The following TTC17 variants were observed in gnomAD, a reference collection of about 807,000 sequenced individuals.
TTC17 encodes tetratricopeptide repeat domain 17.
A neutral mutation model predicts 143.8 loss-of-function variants in TTC17; 58 were observed. That is an observed-to-expected ratio of 0.40 (90% CI 0.33 to 0.50). The LOEUF (loss-of-function observed/expected upper bound fraction) is 0.50, where lower values mean the gene tolerates loss of function less well. Among genes scored for constraint, TTC17 ranks in the 20% least tolerant of loss-of-function variants. The probability of loss-of-function intolerance (pLI) is 0.49; values close to 1 mark genes in which losing one functional copy is unlikely to be tolerated. For missense variants in TTC17, 1,273 were observed against 1,392.5 expected, an observed-to-expected ratio of 0.91 and a Z score of 1.37; for synonymous variants, 501 against 497.8, an observed-to-expected ratio of 1.01 and a Z score of -0.09.
chr11:43,407,666 A>T (rs747929675), intron 15 of TTC17, 89 bp downstream of exon 15: 35 of 1,233,942 alleles, frequency 2.8e-5, no homozygotes, highest in Non-Finnish European at 3.2e-5. Flanking sequence ...GGGAAAGCAT[A>T]AAAAATGTCA....
intron 18 of TTC17, 195 bp downstream of exon 18, chr11:43,444,404 C>A: frequency 2.3e-6 from 1 of 436,660 alleles, no homozygotes; most frequent in Non-Finnish European, 3.9e-6. Context: ...ATGCAAATTC[C>A]AGTGGATTTA....
At chr11:43,469,526 A>G (rs780953234) in intron 21 of TTC17, among the ~76,000 whole-genome samples, 5 of 152,260 alleles carry the variant, frequency 3.3e-5, no homozygotes, top group Non-Finnish European at 7.3e-5. Context: ...GATACTGTTC[A>G]GCAAAAAAGA....
intron 16 of TTC17, among the ~76,000 whole-genome samples, chr11:43,437,744 C>G (rs1947324150): frequency 6.6e-6 from 1 of 152,138 alleles, no homozygotes; most frequent in Non-Finnish European, 1.5e-5. Flanking sequence ...TCTTTACAAA[C>G]ACATACACAT....
intron 1 of TTC17, among the ~76,000 whole-genome samples, chr11:43,359,610 G>A (rs1856014745): frequency 6.6e-6 from 1 of 152,194 alleles, no homozygotes; most frequent in South Asian, 2.1e-4. Flanking sequence ...ACCACATGGT[G>A]GATTTCGTTT....
At chr11:43,411,737 C>A (rs1442763195) in intron 15 of TTC17, among the ~76,000 whole-genome samples, 1 of 152,144 alleles carries the variant, frequency 6.6e-6, no homozygotes, top group Admixed American at 6.6e-5. Context: ...TTTCCTTATG[C>A]AAAATATAAA....
At chr11:43,438,160 A>G (rs55792921) in intron 16 of TTC17, among the ~76,000 whole-genome samples, 14,098 of 152,200 alleles carry the variant, frequency 0.093, 2,203 homozygotes, top group African/African-American at 0.32. Context: ...CCAAGGCCCT[A>G]TGGTGGTAAT....
Position 43,422,725 on chromosome 11 carries a change from C to A in TTC17, c.2251+7949C>A, listed in dbSNP as rs138576142. On this transcript the variant is annotated intron_variant, in intron 16 of 23. Coordinates refer to ENST00000039989, the MANE Select transcript of TTC17 (RefSeq NM_018259.6). ...GAGCTGGATGTGGGCAGAGAATGAACCACTGGATTTAGTAACATGGAGATT... is the reference window on the plus strand; with the variant it reads ...GAGCTGGATGTGGGCAGAGAATGAAACACTGGATTTAGTAACATGGAGATT... Among the ~76,000 whole-genome samples the A allele has an allele frequency of 2.2e-3, 334 of 152,182 alleles. 3 individuals carry two copies. The highest frequency in any genetic ancestry group is 6.0e-3 in the South Asian group (29 of 4,810).
chr11:43,402,547 A>G (rs1396198384), intron 10 of TTC17, among the ~76,000 whole-genome samples: 2 of 152,160 alleles, frequency 1.3e-5, no homozygotes, highest in Non-Finnish European at 1.5e-5. Context: ...TGGTACAGAC[A>G]GCAAGTACAG....
At chr11:43,435,805 T>C (rs934547674) in intron 16 of TTC17, among the ~76,000 whole-genome samples, 11 of 152,236 alleles carry the variant, frequency 7.2e-5, no homozygotes, top group African/African-American at 2.7e-4. Flanking sequence ...GGTATTAACC[T>C]GTCATTTCTC....
At chr11:43,485,580 A>G (rs1294333589) in intron 21 of TTC17, among the ~76,000 whole-genome samples, 3 of 152,334 alleles carry the variant, frequency 2.0e-5, no homozygotes, top group African/African-American at 7.2e-5. Flanking sequence ...TTAATCTACA[A>G]AAGATTAATA....
At chr11:43,411,725 T>C (rs993000176) in intron 15 of TTC17, among the ~76,000 whole-genome samples, 10 of 151,510 alleles carry the variant, frequency 6.6e-5, no homozygotes, top group Non-Finnish European at 1.3e-4. Flanking sequence ...TATAACACTT[T>C]GTTTCCTTAT....
chr11:43,455,894 T>G (rs1323241896), intron 21 of TTC17, among the ~76,000 whole-genome samples: 1 of 151,818 alleles, frequency 6.6e-6, no homozygotes, highest in African/African-American at 2.4e-5. Flanking sequence ...CTGAAAAAAA[T>G]GACACCAAAA....
chr11:43,360,545 CA>C (rs1856058747), intron 1 of TTC17, among the ~76,000 whole-genome samples: 1 of 152,110 alleles, frequency 6.6e-6, no homozygotes, highest in Non-Finnish European at 1.5e-5. Context: ...GGCTCTTCTG[CA>C]ATATTGTTTT....
intron 1 of TTC17, among the ~76,000 whole-genome samples, chr11:43,369,757 C>T (rs1224093303): frequency 1.3e-5 from 2 of 151,940 alleles, no homozygotes; most frequent in African/African-American, 2.4e-5. Context: ...GCTGGGACTA[C>T]AGGCACACGC....
intron 1 of TTC17, among the ~76,000 whole-genome samples, chr11:43,377,170 G>A (rs564430274): frequency 1.3e-5 from 2 of 152,244 alleles, no homozygotes; most frequent in South Asian, 4.1e-4. Flanking sequence ...GCGGACGCCT[G>A]TAATCCCAGC....
At chr11:43,365,394 A>G (rs1181805336) in intron 1 of TTC17, among the ~76,000 whole-genome samples, 2 of 152,036 alleles carry the variant, frequency 1.3e-5, no homozygotes, top group African/African-American at 2.4e-5. Flanking sequence ...TCAGCCTCCC[A>G]TGTAGCTGGG....
intron 19 of TTC17, 161 bp from the exon 20 acceptor site, chr11:43,449,921 T>C (rs1947624188): frequency 6.5e-6 from 5 of 770,372 alleles, no homozygotes; most frequent in Non-Finnish European, 1.0e-5. Context: ...GAAGAAATCC[T>C]AGAAGAAAAC....
chr11:43,407,379 C>T lies in TTC17; in HGVS notation c.1866C>T (p.Leu622=). The T allele has an allele frequency of 6.2e-7, 1 of 1,613,800 alleles. No homozygotes were observed. Among genetic ancestry groups the T allele is most frequent in the South Asian group, 1.1e-5 (1 of 91,056 alleles). ...NKPNAPIWLI[L]NEAGLYWRAV... ...CAAATGCTCCTATCTGGCTCATACT[C>T]AATGAAGCTGGACTATACTGGAGAG... The change falls in exon 15 of 24, where the codon CTC becomes CTT. Residue 622 remains leucine, a synonymous_variant. Coordinates refer to ENST00000039989, the MANE Select transcript of TTC17 (RefSeq NM_018259.6).
At chr11:43,487,361 G>C (rs1178686445) in intron 21 of TTC17, among the ~76,000 whole-genome samples, 4 of 152,090 alleles carry the variant, frequency 2.6e-5, no homozygotes, top group African/African-American at 9.7e-5. Flanking sequence ...GGCCAGGCTG[G>C]TTTCGAACTC....
Sources: allele counts gnomAD v4.1 joint callset (sites outside exome capture counted in the v4.1 genomes callset), GRCh38; gene constraint gnomAD v4.1.1; transcripts MANE v1.5; gene names NCBI Gene and HGNC (gene_info 2026-07-23, HGNC 2026-07-21).